Variants in PTPRZ1 observed in about 807,000 individuals in gnomAD.
PTPRZ1 encodes the protein receptor-type tyrosine-protein phosphatase zeta.
PTPRZ1 carries 82 observed loss-of-function variants against 214.1 expected under a neutral mutation model. The observed-to-expected ratio is 0.38, with a 90% CI of 0.32 to 0.46. The LOEUF is 0.46. PTPRZ1 is among the 20% of genes least tolerant of loss of function. PTPRZ1 has a pLI of 1.00. For synonymous variants in PTPRZ1, 945 were observed against 987.9 expected, an observed-to-expected ratio of 0.96 and a Z score of 0.81; for missense variants, 2,603 against 2,748.7, an observed-to-expected ratio of 0.95 and a Z score of 1.19.
At chr7:121,888,528 G>A (rs1386488764) in intron 1 of PTPRZ1, among the ~76,000 whole-genome samples, 2 of 152,034 alleles carry the variant, frequency 1.3e-5, no homozygotes, top group Non-Finnish European at 2.9e-5. Context: ...ATCGAATTCA[G>A]AAAACACTTA....
At chr7:121,889,937 C>T (rs1456428714) in intron 1 of PTPRZ1, among the ~76,000 whole-genome samples, 1 of 152,144 alleles carries the variant, frequency 6.6e-6, no homozygotes, top group African/African-American at 2.4e-5. Flanking sequence ...GCTTTCCTGC[C>T]ATCTCACTAG....
chr7:121,946,630 G>C (rs981458887), intron 2 of PTPRZ1, among the ~76,000 whole-genome samples: 4 of 152,082 alleles, frequency 2.6e-5, no homozygotes, highest in Non-Finnish European at 5.9e-5. Flanking sequence ...AATGAAGAAT[G>C]AGATATTGCT....
At position 122,031,510 on chromosome 7, in the gene PTPRZ1, A is replaced by G. The variant is rs774808574; in HGVS notation, c.5117A>G (p.Lys1706Arg). The G allele has an allele frequency of 1.2e-6, 2 of 1,611,470 alleles. No homozygotes were observed. Among genetic ancestry groups the G allele is most frequent in the East Asian group, 4.5e-5 (2 of 44,702 alleles). The change falls in exon 15 of 30, where the codon AAG becomes AGG. Residue 1706 changes from lysine (K) to arginine (R), a missense_variant. By Grantham distance (26) the Lys-to-Arg change is conservative. This residue lies in a region of PTPRZ1 where 1,913 missense variants were observed against 1,914.3 expected (regional missense o/e 1.00). Coordinates refer to ENST00000393386, the MANE Select transcript of PTPRZ1 (RefSeq NM_002851.3). ...VGAIPIKHFP[K>R]HVADLHASSG... is the part of the protein sequence containing the mutation. Reference sequence around the variant, plus strand: ...GCAATTCCAATAAAGCACTTTCCAAAGCATGTTGCAGATTTACATGCAAGT... The same window carrying G: ...GCAATTCCAATAAAGCACTTTCCAAGGCATGTTGCAGATTTACATGCAAGT...
chr7:121,889,023 G>A (rs573730418), intron 1 of PTPRZ1, among the ~76,000 whole-genome samples: 69 of 152,042 alleles, frequency 4.5e-4, no homozygotes, highest in Admixed American at 8.5e-4. Flanking sequence ...TTAAATTATT[G>A]AAGTTTTAAA....
chr7:121,974,871 AT>A (rs201728375), intron 4 of PTPRZ1, among the ~76,000 whole-genome samples: 1,835 of 152,230 alleles, frequency 0.012, 27 homozygotes, highest in African/African-American at 0.042. Context: ...CGTATTTCTT[AT>A]CTCCTACATC....
At chr7:121,922,487 G>A (rs1164113358) in intron 1 of PTPRZ1, among the ~76,000 whole-genome samples, 4 of 152,106 alleles carry the variant, frequency 2.6e-5, no homozygotes, top group African/African-American at 7.2e-5. Context: ...AACCCAGGGC[G>A]TAGGCGTGGG....
At chr7:121,921,209 A>G (rs1219207580) in intron 1 of PTPRZ1, among the ~76,000 whole-genome samples, 1 of 152,178 alleles carries the variant, frequency 6.6e-6, no homozygotes, top group African/African-American at 2.4e-5. Context: ...ATCTAAGTAT[A>G]GGAAAATATA....
At chr7:121,901,674 G>A (rs147116475) in intron 1 of PTPRZ1, among the ~76,000 whole-genome samples, 2 of 152,096 alleles carry the variant, frequency 1.3e-5, no homozygotes, top group African/African-American at 4.8e-5. Flanking sequence ...GCCTATCAGA[G>A]TGTAGAAGAT....
At position 122,012,785 on chromosome 7, in the gene PTPRZ1, T is replaced by G. The variant is rs756554323; in HGVS notation, c.3739T>G (p.Ser1247Ala). 6.2e-7 allele frequency: 1 copy of G among 1,611,734 alleles called. No homozygotes were observed. The highest frequency in any genetic ancestry group is 2.2e-5 in the East Asian group (1 of 44,870). ...TACATCTGTACCAGTTTTTGATGTG[T>G]CGCCTACTTCTCATATGCACTCTGC... is the stretch of plus-strand genomic sequence containing the variant. ...HSTSVPVFDV[S>A]PTSHMHSASL... Residue 1247 changes from serine (S) to alanine (A), a missense_variant, in exon 12 of 30, where the codon TCG (serine) becomes GCG (alanine). Transcript: ENST00000393386.
chr7:121,908,507 A>C, intron 1 of PTPRZ1: 2 of 359,448 alleles, frequency 5.6e-6, no homozygotes, highest in Non-Finnish European at 5.3e-6. Context: ...TTTGTTTTTT[A>C]CCTAGCCTTT....
chr7:122,038,501 G>C (rs946418805), intron 18 of PTPRZ1, among the ~76,000 whole-genome samples: 14 of 142,484 alleles, frequency 9.8e-5, no homozygotes, highest in Non-Finnish European at 6.0e-5. Flanking sequence ...AAAGCAAAGA[G>C]AGCTATTCTT....
intron 25 of PTPRZ1, among the ~76,000 whole-genome samples, chr7:122,052,311 C>T (rs1446712283): frequency 1.3e-5 from 2 of 152,202 alleles, no homozygotes; most frequent in Admixed American, 1.3e-4. Context: ...TCACTGACAT[C>T]ACTACTTCAG....
At chr7:121,924,104 G>A (rs935216707) in intron 1 of PTPRZ1, among the ~76,000 whole-genome samples, 7 of 151,986 alleles carry the variant, frequency 4.6e-5, no homozygotes, top group Non-Finnish European at 8.8e-5. Flanking sequence ...AAATTTCTTA[G>A]TTTTATCACT....
In PTPRZ1 at chr7:122,021,325, G is replaced by T. The variant is rs543725465; in HGVS notation, c.4988+2057G>T. Among the ~76,000 whole-genome samples, 302 of 152,202 alleles carry T rather than the reference G, an allele frequency of 2.0e-3. 4 individuals carry two copies. Among genetic ancestry groups the T allele is most frequent in the Admixed American group, 0.019 (286 of 15,290 alleles). On this transcript the variant is annotated intron_variant, in intron 13 of 29. Coordinates refer to ENST00000393386, the MANE Select transcript of PTPRZ1 (RefSeq NM_002851.3). ...TTTCATCTGCATTATATGGGGAAAA[G>T]ATAAAATTACCAGTCAAAAATATAT...
chr7:121,922,584 A>G (rs903462315), intron 1 of PTPRZ1, among the ~76,000 whole-genome samples: 23 of 152,124 alleles, frequency 1.5e-4, no homozygotes, highest in African/African-American at 3.6e-4. Flanking sequence ...CAAAAAAAAA[A>G]GTTGATTCTT....
chr7:121,964,698 A>T (rs565232245), intron 2 of PTPRZ1, among the ~76,000 whole-genome samples: 1 of 152,270 alleles, frequency 6.6e-6, no homozygotes, highest in Admixed American at 6.5e-5. Flanking sequence ...GGGCAAGGAG[A>T]GTTACCAAGG....
At chr7:122,061,054 A>G (rs1224710504) in intron 29 of PTPRZ1, 26 bp from the exon 30 acceptor site, 1 of 1,558,156 alleles carries the variant, frequency 6.4e-7, no homozygotes, top group Admixed American at 2.0e-5. Context: ...CTTCGCATTT[A>G]TTACCTCCCA....
chr7:121,893,748 G>A (rs548707315), intron 1 of PTPRZ1, among the ~76,000 whole-genome samples: 169 of 152,232 alleles, frequency 1.1e-3, no homozygotes, highest in Admixed American at 2.6e-3. Context: ...TATTCACCAT[G>A]CATTCATGAA....
intron 1 of PTPRZ1, among the ~76,000 whole-genome samples, chr7:121,900,449 G>A (rs1158115598): frequency 1.3e-5 from 2 of 152,130 alleles, no homozygotes; most frequent in African/African-American, 4.8e-5. Flanking sequence ...CCCATTCTAT[G>A]GTAATTGTTT....
Sources: gnomAD v4.1 joint callset for allele counts (sites outside exome capture counted in the v4.1 genomes callset) on GRCh38, gnomAD v4.1.1 for gene constraint, gnomAD v4.1.1 regional missense constraint, MANE v1.5 for transcripts, NCBI Gene and HGNC (gene_info 2026-07-23, HGNC 2026-07-21) for gene names.